Variants in LRIG1 observed in about 807,000 individuals in gnomAD.
The protein encoded by LRIG1 is leucine rich repeats and immunoglobulin like domains 1.
LRIG1 carries 48 observed loss-of-function variants against 99.2 expected under a neutral mutation model. That is an observed-to-expected ratio of 0.48 (90% CI 0.38 to 0.62). LRIG1 has a LOEUF of 0.62. LRIG1 is among the 20% of genes least tolerant of loss of function. LRIG1 has a pLI of 0.00. For synonymous variants in LRIG1, 772 were observed against 596.1 expected, an observed-to-expected ratio of 1.29 and a Z score of -4.30; for missense variants, 1,646 against 1,434.4, an observed-to-expected ratio of 1.15 and a Z score of -2.38.
intron 1 of LRIG1, among the ~76,000 whole-genome samples, chr3:66,471,939 C>T (rs1230302413): frequency 6.6e-6 from 1 of 152,186 alleles, no homozygotes; most frequent in Non-Finnish European, 1.5e-5. Context: ...TTTCAGGAGA[C>T]TGATTAGCTT....
At chr3:66,453,820 C>A (rs1479065604) in intron 2 of LRIG1, among the ~76,000 whole-genome samples, 2 of 152,180 alleles carry the variant, frequency 1.3e-5, no homozygotes, top group Non-Finnish European at 2.9e-5. Context: ...GATTTTAAAC[C>A]TGAAACAAAG....
At chr3:66,396,260 G>C (rs767878466) in intron 11 of LRIG1, among the ~76,000 whole-genome samples, 2 of 152,192 alleles carry the variant, frequency 1.3e-5, no homozygotes, top group African/African-American at 2.4e-5. Context: ...GGGCCAGGCA[G>C]TAGCGAGGAT....
At chr3:66,415,100 C>A in intron 4 of LRIG1, 37 bp from the exon 5 acceptor site, 1 of 1,564,512 alleles carries the variant, frequency 6.4e-7, no homozygotes, top group South Asian at 1.2e-5. Context: ...GGTGGTTGGT[C>A]AAAGGCCTTC....
chr3:66,487,206 C>T (rs762518017), intron 1 of LRIG1, among the ~76,000 whole-genome samples: 2 of 152,138 alleles, frequency 1.3e-5, no homozygotes, highest in African/African-American at 2.4e-5. Context: ...ATCAGACAAA[C>T]CACAAGCTAT....
At position 66,383,984 on chromosome 3, in the gene LRIG1, G is replaced by A. The variant is rs1438637995; in HGVS notation, c.2071+7C>T. 5.7e-6 allele frequency: 9 copies of A among 1,585,488 alleles called. No individual in the cohort carries two copies. Among genetic ancestry groups the A allele is most frequent in the East Asian group, 2.2e-5 (1 of 44,732 alleles). On this transcript the variant is annotated splice_region_variant and intron_variant, in intron 14 of 18. Coordinates refer to ENST00000273261, the MANE Select transcript of LRIG1 (RefSeq NM_015541.3). Reference sequence around the variant, plus strand: ...CACACACACACACAGTAGAGCAATAGGCAAACCTAGGACAGTCAGGGTGGC... The same window carrying A: ...CACACACACACACAGTAGAGCAATAAGCAAACCTAGGACAGTCAGGGTGGC...
At chr3:66,389,135 C>T (rs1366601078) in intron 12 of LRIG1, among the ~76,000 whole-genome samples, 12 of 152,072 alleles carry the variant, frequency 7.9e-5, no homozygotes, top group African/African-American at 2.2e-4. Context: ...TTGCATATTA[C>T]TGAAGTTAAT....
chr3:66,438,904 C>T (rs995450490), intron 3 of LRIG1, among the ~76,000 whole-genome samples: 26 of 152,362 alleles, frequency 1.7e-4, no homozygotes, highest in African/African-American at 6.0e-4. Context: ...GCAGGGAATG[C>T]ACATCTCTGC....
intron 1 of LRIG1, among the ~76,000 whole-genome samples, chr3:66,477,458 T>C (rs1343914161): frequency 2.0e-5 from 3 of 152,178 alleles, no homozygotes; most frequent in South Asian, 4.1e-4. Context: ...GCTGTAATCA[T>C]GCTCTTCCTT....
chr3:66,417,880 T>C (rs1702662578), intron 3 of LRIG1, among the ~76,000 whole-genome samples: 1 of 151,652 alleles, frequency 6.6e-6, no homozygotes, highest in Non-Finnish European at 1.5e-5. Flanking sequence ...TGAAATTGAG[T>C]TCCCTGAACC....
At chr3:66,493,115 C>T (rs1464124439) in intron 1 of LRIG1, among the ~76,000 whole-genome samples, 6 of 152,162 alleles carry the variant, frequency 3.9e-5, no homozygotes, top group Admixed American at 1.3e-4. Context: ...CAAAGAGAAG[C>T]GGGTACAGTG....
At chr3:66,422,622 C>T (rs1218920411) in intron 3 of LRIG1, among the ~76,000 whole-genome samples, 1 of 152,160 alleles carries the variant, frequency 6.6e-6, no homozygotes, top group Non-Finnish European at 1.5e-5. Flanking sequence ...TAGGAAGTTC[C>T]AAACTTTCCC....
intron 3 of LRIG1, among the ~76,000 whole-genome samples, chr3:66,436,624 C>G (rs998799083): frequency 6.6e-6 from 1 of 152,088 alleles, no homozygotes; most frequent in Admixed American, 6.5e-5. Context: ...TGGTGCCAGC[C>G]TCCAAATGAA....
intron 5 of LRIG1, 104 bp from the exon 6 acceptor site, chr3:66,413,118 C>T (rs1381899815): frequency 1.0e-5 from 14 of 1,334,344 alleles, no homozygotes; most frequent in Non-Finnish European, 1.5e-5. Context: ...AGGAGAAATC[C>T]CAGTGCAGGG....
Position 66,462,527 on chromosome 3 carries a change from A to AC in LRIG1, c.219-19_219-18insG, listed in dbSNP as rs1700378127. ...TCAGGTTTCTGGTAAAGACAGAGAG[A>AC]GAAAAAAACGGAATCAACAACCTGG... On this transcript the variant is annotated intron_variant, in intron 1 of 18. Coordinates refer to ENST00000273261, the MANE Select transcript of LRIG1 (RefSeq NM_015541.3). 1 of 1,588,270 alleles carries AC rather than the reference A, an allele frequency of 6.3e-7. No homozygotes were observed. The highest frequency in any genetic ancestry group is 1.3e-5 in the African/African-American group (1 of 74,462).
chr3:66,412,934 T>C lies in LRIG1; in HGVS notation c.728A>G (p.Gln243Arg), dbSNP rs752645224. 5 of 1,614,208 alleles carry C rather than the reference T, an allele frequency of 3.1e-6. No homozygotes were observed. The highest frequency in any genetic ancestry group is 4.2e-6 in the Non-Finnish European group (5 of 1,180,038). ...GLNSLEVLKL[Q>R]RNNISKLTDG... ...TGTCAGTTTGCTGATGTTGTTTCGC[T>C]GAAGCTTCAGCACCTCCAAGCTGTT... The change falls in exon 6 of 19, where the codon CAG (glutamine) becomes CGG (arginine). Residue 243 changes from glutamine to arginine, a missense_variant. Coordinates refer to ENST00000273261, the MANE Select transcript of LRIG1 (RefSeq NM_015541.3).
chr3:66,460,128 C>T, intron 2 of LRIG1, among the ~76,000 whole-genome samples: 1 of 152,114 alleles, frequency 6.6e-6, no homozygotes, highest in East Asian at 1.9e-4. Context: ...TATCTGTGTC[C>T]TGTTCACTCT....
Position 66,380,671 on chromosome 3 carries a change from G to C in LRIG1, c.2961C>G (p.Ser987=). Residue 987 remains serine (S), a synonymous_variant, in exon 18 of 19, where the codon TCC becomes TCG. Transcript: ENST00000273261. ...HHQCSRTAAG[S]CPECQGSLYP... The stretch of plus-strand genomic sequence containing the variant: ...AGAGCGACCCTTGGCACTCGGGGCA[G>C]GACCCAGCGGCAGTCCTGCTGCACT... 1 of 1,614,218 alleles carries C rather than the reference G, an allele frequency of 6.2e-7. No individual in the cohort carries two copies. Among genetic ancestry groups the C allele is most frequent in the Non-Finnish European group, 8.5e-7 (1 of 1,180,034 alleles).
At position 66,412,544 on chromosome 3, in the gene LRIG1, A is replaced by G. The variant is rs1184260348; in HGVS notation, c.791+327T>C. 2.0e-5 allele frequency among the ~76,000 whole-genome samples: 3 copies of G among 152,352 alleles called. No individual in the cohort carries two copies. The South Asian group carries it at 6.2e-4, about 32-fold the overall frequency. ...ACCCTCAGGTTTGGCCCGGTCCCCAAGACAATGAGTTGGGCCCAGGTGAAG... is the reference window on the plus strand; with the variant it reads ...ACCCTCAGGTTTGGCCCGGTCCCCAGGACAATGAGTTGGGCCCAGGTGAAG... On this transcript the variant is annotated intron_variant, in intron 6 of 18. Coordinates refer to ENST00000273261, the MANE Select transcript of LRIG1 (RefSeq NM_015541.3).
intron 2 of LRIG1, among the ~76,000 whole-genome samples, chr3:66,461,052 T>G (rs570933944): frequency 6.6e-6 from 1 of 152,322 alleles, no homozygotes; most frequent in South Asian, 2.1e-4. Flanking sequence ...GGCTCACACC[T>G]ATAACCCCAG....
Sources: gnomAD v4.1 joint callset for allele counts (sites outside exome capture counted in the v4.1 genomes callset) on GRCh38, gnomAD v4.1.1 for gene constraint, MANE v1.5 for transcripts, NCBI Gene and HGNC (gene_info 2026-07-23, HGNC 2026-07-21) for gene names.